RASAL2: variants seen among roughly 807,000 people sequenced by gnomAD.
RASAL2 encodes the protein RAS protein activator like 2.
RASAL2 carries 58 observed loss-of-function variants against 128.9 expected under a neutral mutation model. That is an observed-to-expected ratio of 0.45 (90% confidence interval 0.36 to 0.56). The LOEUF is 0.56. Among genes scored for constraint, RASAL2 ranks in the 20% least tolerant of loss-of-function variants. RASAL2 has a pLI of 0.00. For missense variants in RASAL2, 1,360 were observed against 1,601.6 expected (o/e 0.85, Z 2.57); for synonymous variants, 561 against 580.8 (o/e 0.97, Z 0.49).
chr1:178,326,472 T>A (rs1669044741), intron 3 of RASAL2, among the ~76,000 whole-genome samples: 1 of 152,238 alleles, frequency 6.6e-6, no homozygotes, highest in South Asian at 2.1e-4. Context: ...TTTATAATAA[T>A]GCTCTGCTAT....
At chr1:178,400,202 T>TAA (rs1673523627) in intron 4 of RASAL2, among the ~76,000 whole-genome samples, 1 of 152,210 alleles carries the variant, frequency 6.6e-6, no homozygotes, top group African/African-American at 2.4e-5. Context: ...TGTACTGCCT[T>TAA]TCCAGACTCA....
At chr1:178,320,752 T>C (rs1557899881) in intron 3 of RASAL2, among the ~76,000 whole-genome samples, 1 of 152,238 alleles carries the variant, frequency 6.6e-6, no homozygotes, top group Non-Finnish European at 1.5e-5. Flanking sequence ...TCACCCGTCT[T>C]CTGCCTCGCT....
chr1:178,280,798 C>T (rs1216171255), intron 1 of RASAL2, among the ~76,000 whole-genome samples: 6 of 151,984 alleles, frequency 3.9e-5, no homozygotes, highest in Admixed American at 1.3e-4. Flanking sequence ...GTTAGTTATT[C>T]TTTTCTCTAG....
intron 4 of RASAL2, among the ~76,000 whole-genome samples, chr1:178,411,165 TAC>T (rs138482764): frequency 0.11 from 16,284 of 149,518 alleles, 1,294 homozygotes; most frequent in African/African-American, 0.22. Flanking sequence ...TGTGTGTGTG[TAC>T]ACACACACAC....
chr1:178,472,803 T>G (rs142460829), intron 17 of RASAL2, among the ~76,000 whole-genome samples: 1 of 152,204 alleles, frequency 6.6e-6, no homozygotes, highest in Non-Finnish European at 1.5e-5. Context: ...GTATCACTTT[T>G]ACATGACAGT....
intron 2 of RASAL2, among the ~76,000 whole-genome samples, chr1:178,289,093 T>G (rs1242927364): frequency 6.6e-6 from 1 of 152,232 alleles, no homozygotes; most frequent in Non-Finnish European, 1.5e-5. Flanking sequence ...CCTTTAAATC[T>G]ATTTCAGCCA....
At chr1:178,274,793 G>T (rs1012231817) in intron 1 of RASAL2, among the ~76,000 whole-genome samples, 7 of 152,076 alleles carry the variant, frequency 4.6e-5, no homozygotes, top group Non-Finnish European at 5.9e-5. Context: ...GTCCCACTTT[G>T]TTGCCCAGGC....
At chr1:178,245,160 C>T (rs1383596558) in intron 1 of RASAL2, among the ~76,000 whole-genome samples, 3 of 152,216 alleles carry the variant, frequency 2.0e-5, no homozygotes, top group Non-Finnish European at 4.4e-5. Flanking sequence ...ACACTGTCGT[C>T]CACAATGGCT....
chr1:178,137,423 AAGTT>A (rs1163072822), intron 1 of RASAL2, among the ~76,000 whole-genome samples: 1 of 152,130 alleles, frequency 6.6e-6, no homozygotes. Context: ...TGAGCATTTG[AAGTT>A]AGTTCTACTG....
chr1:178,326,706 G>A (rs543364494), intron 3 of RASAL2, among the ~76,000 whole-genome samples: 4 of 152,084 alleles, frequency 2.6e-5, no homozygotes, highest in African/African-American at 7.2e-5. Context: ...CACCATGCCC[G>A]GCTAATTTTG....
At chr1:178,302,443 T>C (rs1667807703) in intron 3 of RASAL2, among the ~76,000 whole-genome samples, 1 of 152,134 alleles carries the variant, frequency 6.6e-6, no homozygotes. Flanking sequence ...AAAGATCTAA[T>C]AACAGATGTG....
intron 1 of RASAL2, among the ~76,000 whole-genome samples, chr1:178,267,194 C>T (rs1177012407): frequency 1.3e-5 from 2 of 152,138 alleles, no homozygotes; most frequent in African/African-American, 4.8e-5. Context: ...TTCCCTTTTT[C>T]TGAAGAAAGA....
At chr1:178,095,318 T>C (rs4143734) in intron 1 of RASAL2, among the ~76,000 whole-genome samples, 1 of 152,216 alleles carries the variant, frequency 6.6e-6, no homozygotes, top group African/African-American at 2.4e-5. Flanking sequence ...ACTAAAACTT[T>C]CCCTTTCTGC....
intron 1 of RASAL2, among the ~76,000 whole-genome samples, chr1:178,168,035 T>C (rs1661577098): frequency 6.6e-6 from 1 of 152,062 alleles, no homozygotes; most frequent in Non-Finnish European, 1.5e-5. Context: ...TCCTCTCAAC[T>C]TTGGAAACTG....
chr1:178,241,438 A>T (rs188686598), intron 1 of RASAL2, among the ~76,000 whole-genome samples: 4 of 152,260 alleles, frequency 2.6e-5, no homozygotes, highest in Admixed American at 6.5e-5. Flanking sequence ...GAGGAGAAAT[A>T]CTTTAGGGGT....
chr1:178,162,458 A>C (rs1272683165), intron 1 of RASAL2, among the ~76,000 whole-genome samples: 1 of 120,926 alleles, frequency 8.3e-6, no homozygotes, highest in Admixed American at 1.1e-4. Context: ...TATAATATTA[A>C]ATATATTTTA....
chr1:178,315,692 C>G lies in RASAL2; in HGVS notation c.457+15574C>G, dbSNP rs895397608. Among the ~76,000 whole-genome samples, 98 of 146,140 alleles carry G rather than the reference C, an allele frequency of 6.7e-4. 1 individual carries two copies. The highest frequency in any genetic ancestry group is 1.1e-3 in the Non-Finnish European group (71 of 67,172). ...TTCACTGTAGATTCTGGATATTAGCCCTTTGTCAGATGAGTAGGTTGCGAA... is the reference window on the plus strand; with the variant it reads ...TTCACTGTAGATTCTGGATATTAGCGCTTTGTCAGATGAGTAGGTTGCGAA... On this transcript the variant is annotated intron_variant, in intron 3 of 17. Transcript: ENST00000367649.
chr1:178,352,982 ATTT>A (rs2102446774), intron 3 of RASAL2, among the ~76,000 whole-genome samples: 1 of 152,314 alleles, frequency 6.6e-6, no homozygotes, highest in Non-Finnish European at 1.5e-5. Flanking sequence ...CCACAGAACC[ATTT>A]TGTTTTCTTG....
intron 1 of RASAL2, among the ~76,000 whole-genome samples, chr1:178,172,266 T>A (rs1201730478): frequency 2.0e-5 from 3 of 152,072 alleles, no homozygotes; most frequent in Non-Finnish European, 2.9e-5. Flanking sequence ...CAAAGGTTAA[T>A]GTGAGGGGAA....
Sources: allele counts gnomAD v4.1 joint callset (sites outside exome capture counted in the v4.1 genomes callset), GRCh38; gene constraint gnomAD v4.1.1; transcripts MANE v1.5; gene names NCBI Gene and HGNC (gene_info 2026-07-23, HGNC 2026-07-21).